Variants in YIPF5 observed in about 807,000 individuals in gnomAD.
The protein encoded by YIPF5 is Yip1 domain family member 5.
YIPF5 carries 8 observed loss-of-function variants against 30.4 expected under a neutral mutation model. The observed-to-expected ratio is 0.26, with a 90% CI of 0.15 to 0.47. The LOEUF (loss-of-function observed/expected upper bound fraction) is 0.47, where lower values mean the gene tolerates loss of function less well. YIPF5 is among the 20% of genes least tolerant of loss of function. YIPF5 has a pLI of 0.99. For missense variants in YIPF5, 282 were observed against 301.8 expected (o/e 0.93, Z 0.49); for synonymous variants, 104 against 107.9 (o/e 0.96, Z 0.23).
chr5:144,169,424 C>T (rs1490962940), intron 2 of YIPF5, among the ~76,000 whole-genome samples: 1 of 152,180 alleles, frequency 6.6e-6, no homozygotes, highest in Non-Finnish European at 1.5e-5. Context: ...TAAATAATGT[C>T]ACTAAGCACT....
chr5:144,160,668 A>G (rs999544039), intron 5 of YIPF5, 109 bp from the exon 6 acceptor site: 1 of 951,480 alleles, frequency 1.1e-6, no homozygotes, highest in Non-Finnish European at 1.4e-6. Flanking sequence ...TACATTTTAA[A>G]TCTGCAAGTA....
At chr5:144,167,326 G>A (rs895153969) in intron 2 of YIPF5, among the ~76,000 whole-genome samples, 2 of 152,096 alleles carry the variant, frequency 1.3e-5, no homozygotes, top group Non-Finnish European at 2.9e-5. Flanking sequence ...TGGTATGGCA[G>A]ACACGATCTT....
Position 144,164,120 on chromosome 5 carries a change from T to A in YIPF5, c.420A>T (p.Thr140=). Residue 140 remains threonine (T), a synonymous_variant, in exon 4 of 6, where the codon ACA becomes ACT. Transcript: ENST00000274496. ...PMVFCLAFGA[T]LLLAGKIQFG... ...GAAATGAAAATCTTACCAGTAGCAA[T>A]GTGGCTCCAAAAGCAAGGCAAAAAA... The A allele has an allele frequency of 6.2e-7, 1 of 1,612,582 alleles. No individual in the cohort carries two copies. The highest frequency in any genetic ancestry group is 1.1e-5 in the South Asian group (1 of 90,428).
At chr5:144,164,545 C>T (rs1416181936) in intron 3 of YIPF5, among the ~76,000 whole-genome samples, 2 of 151,650 alleles carry the variant, frequency 1.3e-5, no homozygotes, top group African/African-American at 2.4e-5. Flanking sequence ...CGCCACAACA[C>T]AGAGCTAATT....
In YIPF5 at chr5:144,168,236, G is replaced by A. The variant is rs111603606; in HGVS notation, c.110+1610C>T. Reference sequence around the variant, plus strand: ...AAATTGCTGTGTGGAGAACTGAAATGACTGTTAAAGGGAATGAGACTGTAA... The same window carrying A: ...AAATTGCTGTGTGGAGAACTGAAATAACTGTTAAAGGGAATGAGACTGTAA... On this transcript the variant is annotated intron_variant, in intron 2 of 5. Coordinates refer to ENST00000274496, the MANE Select transcript of YIPF5 (RefSeq NM_030799.9). Among the ~76,000 whole-genome samples, 636 of 152,238 alleles carry A rather than the reference G, an allele frequency of 4.2e-3. 5 individuals are homozygous for A. Among genetic ancestry groups the A allele is most frequent in the African/African-American group, 0.013 (552 of 41,546 alleles).
chr5:144,164,555 T>A (rs945826445), intron 3 of YIPF5, among the ~76,000 whole-genome samples: 5 of 151,022 alleles, frequency 3.3e-5, no homozygotes, highest in African/African-American at 1.2e-4. Flanking sequence ...CAGAGCTAAT[T>A]TTTTTCTTTT....
At chr5:144,164,295 T>C (rs767146542) in intron 3 of YIPF5, 39 bp from the exon 4 acceptor site, 12 of 1,563,710 alleles carry the variant, frequency 7.7e-6, no homozygotes, top group Non-Finnish European at 1.0e-5. Context: ...TTAGGATTTG[T>C]GATGTATTTT....
At chr5:144,168,170 G>A (rs10043464) in intron 2 of YIPF5, among the ~76,000 whole-genome samples, 68,689 of 151,980 alleles carry the variant, frequency 0.45, 16,417 homozygotes, top group African/African-American at 0.61. Context: ...GAGAACAGTT[G>A]GCAACAGGTG....
chr5:144,159,120 C>A lies in YIPF5; in HGVS notation c.*1277G>T. 2 of 982,908 alleles carry A rather than the reference C, an allele frequency of 2.0e-6. No homozygotes were observed. Among genetic ancestry groups the A allele is most frequent in the South Asian group, 9.4e-5 (2 of 21,222 alleles). The allele number at this position is 982,908 out of a possible 1,614,324, so 60.9% of individuals were successfully genotyped here. A position where few individuals can be genotyped will look rare whatever the true frequency, so the allele number is the denominator to read the frequency against. On this transcript the variant is annotated 3_prime_UTR_variant, in exon 6 of 6. Coordinates refer to ENST00000274496, the MANE Select transcript of YIPF5 (RefSeq NM_030799.9). Reference sequence around the variant, plus strand: ...TTTAATACAATAAAATAATGTAACTCAAACTGCTCATTTAATCCCCTTTTT... The same window carrying A: ...TTTAATACAATAAAATAATGTAACTAAAACTGCTCATTTAATCCCCTTTTT...
rs893637126 is a variant in YIPF5 at position 144,159,347 on chromosome 5, T to A, written c.*1050A>T. On this transcript the variant is annotated 3_prime_UTR_variant, in exon 6 of 6. Transcript: ENST00000274496. ...TTGCAATATTGAATTTTGTAAAACT[T>A]TAAATATTTTCCTTAAAAAAGGTTA... The A allele has an allele frequency of 1.0e-6, 1 of 982,556 alleles. No individual in the cohort carries two copies. Among genetic ancestry groups the A allele is most frequent in the African/African-American group, 1.7e-5 (1 of 57,306 alleles). The allele number at this position is 982,556 out of a possible 1,614,324, so 60.9% of individuals were successfully genotyped here. A position where few individuals can be genotyped will look rare whatever the true frequency, so the allele number is the denominator to read the frequency against.
At chr5:144,168,481 TAC>T (rs1752261630) in intron 2 of YIPF5, among the ~76,000 whole-genome samples, 1 of 152,158 alleles carries the variant, frequency 6.6e-6, no homozygotes, top group Admixed American at 6.5e-5. Flanking sequence ...GGCTCTCCTA[TAC>T]ACAGAGCAAT....
intron 4 of YIPF5, among the ~76,000 whole-genome samples, chr5:144,162,804 A>G (rs1235205522): frequency 1.3e-5 from 2 of 152,154 alleles, no homozygotes; most frequent in Non-Finnish European, 2.9e-5. Context: ...TCCACCAAAA[A>G]TGCCCCAAAG....
intron 3 of YIPF5, 92 bp from the exon 4 acceptor site, chr5:144,164,348 T>A: frequency 2.6e-6 from 3 of 1,152,144 alleles, no homozygotes; most frequent in Admixed American, 2.6e-5. Flanking sequence ...CAAAATGACA[T>A]AGCATCAAAA....
intron 1 of YIPF5, 114 bp from the exon 2 acceptor site, chr5:144,170,079 G>A: frequency 1.3e-6 from 1 of 779,832 alleles, no homozygotes; most frequent in Non-Finnish European, 2.1e-6. Context: ...CAGTAATTCG[G>A]AGAGGGGATG....
Position 144,160,456 on chromosome 5 carries a change from A to C in YIPF5, c.715T>G (p.Leu239Val). ...AACAAAGCGCAAGGATATGCTACTA[A>C]AAGTTGCTGTCCTTCCATGGCTAAT... ...SALAMEGQQL[L>V]VAYPCALLYG... Residue 239 changes from leucine to valine, a missense_variant, in exon 6 of 6, where the codon TTA becomes GTA. Leu to Val is a conservative substitution (Grantham distance 32). Coordinates refer to ENST00000274496, the MANE Select transcript of YIPF5 (RefSeq NM_030799.9). 6.2e-7 allele frequency: 1 copy of C among 1,614,150 alleles called. No individual in the cohort carries two copies. The highest frequency in any genetic ancestry group is 8.5e-7 in the Non-Finnish European group (1 of 1,180,028).
At chr5:144,161,069 T>C (rs1410969618) in intron 5 of YIPF5, among the ~76,000 whole-genome samples, 1 of 152,106 alleles carries the variant, frequency 6.6e-6, no homozygotes, top group African/African-American at 2.4e-5. Context: ...TAAATAAGAG[T>C]GATTTCTACA....
At position 144,159,493 on chromosome 5, in the gene YIPF5, T is replaced by C; in HGVS notation, c.*904A>G. The stretch of plus-strand genomic sequence containing the variant: ...TGTAAGTAAGTGTTCGCATTTCATG[T>C]CTACAATAAGGTAGATTGTGAACTT... On this transcript the variant is annotated 3_prime_UTR_variant, in exon 6 of 6. Coordinates refer to ENST00000274496, the MANE Select transcript of YIPF5 (RefSeq NM_030799.9). 1 of 980,604 alleles carries C rather than the reference T, an allele frequency of 1.0e-6. No individual in the cohort carries two copies. Among genetic ancestry groups the C allele is most frequent in the Non-Finnish European group, 1.2e-6 (1 of 827,946 alleles). The allele number at this position is 980,604 out of a possible 1,614,324, so 60.7% of individuals were successfully genotyped here.
chr5:144,160,085 TA>T lies in YIPF5; in HGVS notation c.*311del, dbSNP rs1751991196. The T allele has an allele frequency of 9.7e-7, 1 of 1,029,968 alleles. No individual in the cohort carries two copies. The highest frequency in any genetic ancestry group is 1.2e-6 in the Non-Finnish European group (1 of 859,746). The allele number at this position is 1,029,968 out of a possible 1,614,324, so 63.8% of individuals were successfully genotyped here. On this transcript the variant is annotated 3_prime_UTR_variant, in exon 6 of 6. Coordinates refer to ENST00000274496, the MANE Select transcript of YIPF5 (RefSeq NM_030799.9). ...TTTGTGTTTGGTTTCCCACAGTTGA[TA>T]AAAATCTATCAAAAACATTATAATT...
chr5:144,158,914 T>TAAA lies in YIPF5; in HGVS notation c.*1480_*1482dup, dbSNP rs11370080. On this transcript the variant is annotated 3_prime_UTR_variant, in exon 6 of 6. Coordinates refer to ENST00000274496, the MANE Select transcript of YIPF5 (RefSeq NM_030799.9). ...TTTCTATTTAGTCTGAAAATCTCTTTAAAAAAAAAAAAAAGGCAGTATTTT... is the reference window on the plus strand; with the variant it reads ...TTTCTATTTAGTCTGAAAATCTCTTTAAAAAAAAAAAAAAAAAGGCAGTATTTT... 5 of 839,524 alleles carry TAAA rather than the reference T, an allele frequency of 6.0e-6. No homozygotes were observed. Among genetic ancestry groups the TAAA allele is most frequent in the African/African-American group, 5.6e-5 (3 of 53,340 alleles). 52.0% of individuals were successfully genotyped at this position (839,524 alleles called of 1,614,324 possible).
Sources: allele counts gnomAD v4.1 joint callset (sites outside exome capture counted in the v4.1 genomes callset), GRCh38; gene constraint gnomAD v4.1.1; transcripts MANE v1.5; gene names NCBI Gene and HGNC (gene_info 2026-07-23, HGNC 2026-07-21).